DLG2: variants seen among roughly 807,000 people sequenced by gnomAD.
DLG2 encodes discs large MAGUK scaffold protein 2, also known as disks large homolog 2.
In DLG2, 45 loss-of-function variants were observed where a neutral mutation model predicts 132.5. The ratio of observed to expected loss-of-function variants is 0.34; its 90% confidence interval spans 0.27 to 0.44. The LOEUF is 0.44. Ranked by LOEUF, DLG2 falls within the 20% of genes least tolerant of loss-of-function variation. The pLI is 1.00. For missense variants in DLG2, 1,045 were observed against 1,196.9 expected, an observed-to-expected ratio of 0.87 and a Z score of 1.87; for synonymous variants, 424 against 419.6, an observed-to-expected ratio of 1.01 and a Z score of -0.13.
intron 3 of DLG2, among the ~76,000 whole-genome samples, chr11:85,528,497 A>C (rs1274483698): frequency 6.6e-6 from 1 of 152,208 alleles, no homozygotes; most frequent in African/African-American, 2.4e-5. Flanking sequence ...AGTTAATGTT[A>C]ATAATATGAA....
chr11:84,474,005 A>G (rs866811313), intron 7 of DLG2, among the ~76,000 whole-genome samples: 1 of 151,926 alleles, frequency 6.6e-6, no homozygotes, highest in African/African-American at 2.4e-5. Context: ...TCATTCTCCT[A>G]TTTATGTCAT....
At chr11:85,520,584 A>C (rs1167318248) in intron 3 of DLG2, among the ~76,000 whole-genome samples, 1 of 151,892 alleles carries the variant, frequency 6.6e-6, no homozygotes, top group Non-Finnish European at 1.5e-5. Context: ...ACAAAACTGA[A>C]GGAATCACAT....
At chr11:83,927,624 C>A (rs942780342) in intron 15 of DLG2, among the ~76,000 whole-genome samples, 13 of 152,146 alleles carry the variant, frequency 8.5e-5, no homozygotes, top group Non-Finnish European at 1.6e-4. Flanking sequence ...GTGGCTAGGT[C>A]ATGCAGAGCC....
intron 6 of DLG2, among the ~76,000 whole-genome samples, chr11:85,044,919 C>A (rs1336075849): frequency 6.6e-6 from 1 of 151,986 alleles, no homozygotes; most frequent in East Asian, 1.9e-4. Flanking sequence ...GTTATCTCCA[C>A]CTGAAAAATT....
At chr11:85,009,295 A>G (rs1340469020) in intron 6 of DLG2, among the ~76,000 whole-genome samples, 2 of 152,130 alleles carry the variant, frequency 1.3e-5, no homozygotes, top group African/African-American at 4.8e-5. Context: ...AAATTCAGTG[A>G]TACCAAATAA....
chr11:83,818,586 G>C (rs754212774), intron 17 of DLG2, among the ~76,000 whole-genome samples: 3 of 152,172 alleles, frequency 2.0e-5, no homozygotes, highest in African/African-American at 7.2e-5. Flanking sequence ...CCCCTATCAA[G>C]TTCGTTGTAG....
chr11:85,032,404 A>G (rs2154145322), intron 6 of DLG2, among the ~76,000 whole-genome samples: 1 of 152,340 alleles, frequency 6.6e-6, no homozygotes, highest in South Asian at 2.1e-4. Flanking sequence ...AAGTTCTAAA[A>G]AATGAAAATT....
intron 8 of DLG2, among the ~76,000 whole-genome samples, chr11:84,230,023 T>C (rs979172444): frequency 6.6e-6 from 1 of 152,222 alleles, no homozygotes; most frequent in Non-Finnish European, 1.5e-5. Flanking sequence ...TTTTAAGGCA[T>C]TAATGTCAAG....
intron 3 of DLG2, among the ~76,000 whole-genome samples, chr11:85,578,478 T>A (rs1227243742): frequency 1.3e-5 from 2 of 152,128 alleles, no homozygotes; most frequent in Non-Finnish European, 2.9e-5. Context: ...GAGAAAAATT[T>A]TGCAAACTAT....
chr11:84,089,345 GTGA>G (rs1729352217), intron 10 of DLG2, among the ~76,000 whole-genome samples: 1 of 152,050 alleles, frequency 6.6e-6, no homozygotes, highest in African/African-American at 2.4e-5. Flanking sequence ...CCTTCATCTC[GTGA>G]TGATTACCAA....
intron 4 of DLG2, among the ~76,000 whole-genome samples, chr11:85,244,996 T>C (rs115796025): frequency 2.0e-5 from 3 of 151,940 alleles, no homozygotes; most frequent in Admixed American, 6.6e-5. Context: ...TAGACCAGTG[T>C]GGGAGCTTAG....
intron 22 of DLG2, among the ~76,000 whole-genome samples, chr11:83,478,677 T>C (rs533359555): frequency 1.1e-4 from 16 of 152,174 alleles, no homozygotes; most frequent in Admixed American, 7.2e-4. Flanking sequence ...TCTTGTATAG[T>C]ATATATTTTC....
intron 6 of DLG2, among the ~76,000 whole-genome samples, chr11:84,724,552 C>T (rs564361835): frequency 5.9e-5 from 9 of 152,224 alleles, no homozygotes; most frequent in African/African-American, 2.2e-4. Flanking sequence ...ACAAACACTA[C>T]AATTCAGGAC....
At chr11:83,838,664 A>G (rs1311375318) in intron 16 of DLG2, among the ~76,000 whole-genome samples, 1 of 152,308 alleles carries the variant, frequency 6.6e-6, no homozygotes, top group African/African-American at 2.4e-5. Flanking sequence ...CTGGCATTCC[A>G]TCAACACTAG....
intron 19 of DLG2, among the ~76,000 whole-genome samples, chr11:83,563,581 G>C (rs956795399): frequency 2.6e-5 from 4 of 152,148 alleles, no homozygotes; most frequent in African/African-American, 7.2e-5. Context: ...CGTGTTAAAA[G>C]CTACTTTTAT....
intron 3 of DLG2, among the ~76,000 whole-genome samples, chr11:85,501,815 T>C (rs2093811056): frequency 6.6e-6 from 1 of 152,170 alleles, no homozygotes. Context: ...TTTACATTGT[T>C]GGTGGGAGTA....
At chr11:84,502,845 G>C (rs1469492067) in intron 7 of DLG2, among the ~76,000 whole-genome samples, 1 of 151,902 alleles carries the variant, frequency 6.6e-6, no homozygotes, top group Non-Finnish European at 1.5e-5. Flanking sequence ...GGGAGAAAAA[G>C]AAAACAAAAA....
At chr11:84,420,868 C>T (rs1214187852) in intron 7 of DLG2, among the ~76,000 whole-genome samples, 1 of 151,514 alleles carries the variant, frequency 6.6e-6, no homozygotes, top group Non-Finnish European at 1.5e-5. Flanking sequence ...CGGGGTTTCA[C>T]CGTTTTAGCC....
At chr11:84,466,723 A>T (rs1304488488) in intron 7 of DLG2, among the ~76,000 whole-genome samples, 1 of 151,342 alleles carries the variant, frequency 6.6e-6, no homozygotes, top group African/African-American at 2.4e-5. Flanking sequence ...GCAATATCTA[A>T]CAAAAGTACA....
Sources: gnomAD v4.1 joint callset for allele counts (sites outside exome capture counted in the v4.1 genomes callset) on GRCh38, gnomAD v4.1.1 for gene constraint, MANE v1.5 for transcripts, NCBI Gene and HGNC (gene_info 2026-07-23, HGNC 2026-07-21) for gene names.